The following MYOF variants were observed in gnomAD, a reference collection of about 807,000 sequenced individuals.
MYOF encodes the protein myoferlin.
In MYOF, 244 loss-of-function variants were observed where a neutral mutation model predicts 284.2. The observed-to-expected ratio is 0.86, with a 90% CI of 0.77 to 0.95. The LOEUF (loss-of-function observed/expected upper bound fraction) is 0.95. MYOF is among the 40% of genes least tolerant of loss of function. The pLI is 0.00. For synonymous variants in MYOF, 904 were observed against 919.7 expected (o/e 0.98, Z 0.31); for missense variants, 2,496 against 2,560.6 (o/e 0.97, Z 0.54).
rs770922268 is a variant in MYOF at position 93,404,237 on chromosome 10, C to T, written c.730-18G>A. The T allele has an allele frequency of 1.7e-5, 27 of 1,612,982 alleles. No homozygotes were observed. The Admixed American group carries it at 3.7e-4, about 22-fold the overall frequency. ...AAAAACAACTGCCAAAACAATAGAGCAGATGTTTAAATGTTAACAGGGGAT... is the reference window on the plus strand; with the variant it reads ...AAAAACAACTGCCAAAACAATAGAGTAGATGTTTAAATGTTAACAGGGGAT... On this transcript the variant is annotated intron_variant, in intron 7 of 53. Coordinates refer to ENST00000359263, the MANE Select transcript of MYOF (RefSeq NM_013451.4).
At chr10:93,342,391 A>G (rs1007900901) in intron 38 of MYOF, among the ~76,000 whole-genome samples, 2 of 152,172 alleles carry the variant, frequency 1.3e-5, no homozygotes, top group African/African-American at 4.8e-5. Flanking sequence ...GAACAAGTGG[A>G]CTCAGATTTT....
Position 93,310,090 on chromosome 10 carries a change from C to T in MYOF, c.6077G>A (p.Trp2026Ter), listed in dbSNP as rs750616016. 6.2e-7 allele frequency: 1 copy of T among 1,614,106 alleles called. No homozygotes were observed. Among genetic ancestry groups the T allele is most frequent in the Non-Finnish European group, 8.5e-7 (1 of 1,180,024 alleles). ...CAGGAACAGCAAGCCGATGATGACC[C>T]ACTTAAAGCGGCGCCACACGATGAA... ...MKFIVWRRFK[W>*]VIIGLLFLLI... Residue 2026 changes from tryptophan to a stop codon, truncating the protein, a stop_gained, in exon 53 of 54, where the codon TGG becomes TAG. Coordinates refer to ENST00000359263, the MANE Select transcript of MYOF (RefSeq NM_013451.4). LOFTEE classifies it high-confidence loss of function.
intron 5 of MYOF, among the ~76,000 whole-genome samples, chr10:93,411,761 C>T (rs912300894): frequency 6.6e-6 from 1 of 152,236 alleles, no homozygotes; most frequent in African/African-American, 2.4e-5. Flanking sequence ...CCATCCTAGC[C>T]TGGCTTCTGT....
intron 3 of MYOF, among the ~76,000 whole-genome samples, chr10:93,445,160 C>T (rs1011534084): frequency 6.6e-6 from 1 of 152,174 alleles, no homozygotes; most frequent in Non-Finnish European, 1.5e-5. Context: ...ATTCTACCTA[C>T]ATTTTGTTTA....
chr10:93,382,319 G>C (rs1846160912), intron 19 of MYOF, among the ~76,000 whole-genome samples: 1 of 151,820 alleles, frequency 6.6e-6, no homozygotes, highest in Non-Finnish European at 1.5e-5. Context: ...GCTTACTACA[G>C]CTTCGACTTC....
intron 4 of MYOF, among the ~76,000 whole-genome samples, chr10:93,431,024 C>CTTTTTTTTTTTTTTTTTTTTTTTT (rs113713765): frequency 2.5e-5 from 3 of 117,856 alleles, no homozygotes; most frequent in African/African-American, 3.1e-5. Flanking sequence ...TTTTTCTTTT[C>CTTTTTTTTTTTTTTTTTTTTTTTT]TTTTTTTTTT....
At chr10:93,375,737 C>T (rs987208860) in intron 22 of MYOF, among the ~76,000 whole-genome samples, 2 of 152,192 alleles carry the variant, frequency 1.3e-5, no homozygotes, top group Non-Finnish European at 2.9e-5. Context: ...TCACCATCAT[C>T]TCATCAGATT....
Position 93,351,273 on chromosome 10 carries a change from A to G in MYOF, c.3845T>C (p.Leu1282Pro), listed in dbSNP as rs775334443. 9.1e-5 allele frequency: 147 copies of G among 1,613,610 alleles called. No homozygotes were observed. In the Admixed American group the frequency reaches 2.4e-3, roughly 26 times the overall value. Reference protein sequence around the residue: ...RGKDGSNLPILPPQRAPNLYM... With the variant: ...RGKDGSNLPIPPPQRAPNLYM... ...TAGATTTGGCGCCCTTTGAGGGGGA[A>G]GAATGGGAAGGTTGGAGCCATCCTG... Residue 1282 changes from leucine to proline, a missense_variant, in exon 35 of 54, where the codon CTT (leucine) becomes CCT (proline). Leu to Pro is a moderately conservative substitution (Grantham distance 98, BLOSUM62 -3). Coordinates refer to ENST00000359263, the MANE Select transcript of MYOF (RefSeq NM_013451.4).
intron 3 of MYOF, among the ~76,000 whole-genome samples, chr10:93,437,480 G>C: frequency 6.6e-6 from 1 of 152,128 alleles, no homozygotes; most frequent in East Asian, 1.9e-4. Flanking sequence ...ATGATTTCTG[G>C]AGGAGGAGTA....
At position 93,459,261 on chromosome 10, in the gene MYOF, C is replaced by A. The variant is rs147432454; in HGVS notation, c.89-2324G>T. Among the ~76,000 whole-genome samples, 733 of 152,302 alleles carry A rather than the reference C, an allele frequency of 4.8e-3. 4 individuals are homozygous for A. The highest frequency in any genetic ancestry group is 0.017 in the African/African-American group (703 of 41,552). On this transcript the variant is annotated intron_variant, in intron 1 of 53. Transcript: ENST00000359263. ...TAACAGAAACTCCCAATCCTCCTCT[C>A]TGGTTACAGTATAAGAAAGTGCTCT...
intron 25 of MYOF, among the ~76,000 whole-genome samples, chr10:93,367,435 C>G (rs1166983570): frequency 6.6e-6 from 1 of 152,046 alleles, no homozygotes; most frequent in East Asian, 1.9e-4. Flanking sequence ...TGAGTGGGGG[C>G]CTGATTAGGA....
intron 3 of MYOF, among the ~76,000 whole-genome samples, chr10:93,438,525 T>C (rs1292884840): frequency 6.6e-6 from 1 of 152,158 alleles, no homozygotes; most frequent in Non-Finnish European, 1.5e-5. Context: ...CAGAATGTGC[T>C]TCCCCAGACG....
At chr10:93,454,987 TA>T (rs56013436) in intron 2 of MYOF, among the ~76,000 whole-genome samples, 49 of 58,664 alleles carry the variant, frequency 8.4e-4, no homozygotes, top group African/African-American at 3.5e-3. Flanking sequence ...TTTTTTTAAT[TA>T]AAAAAAAAAA....
chr10:93,342,848 A>G (rs1043034289), intron 38 of MYOF, among the ~76,000 whole-genome samples: 9 of 152,194 alleles, frequency 5.9e-5, no homozygotes, highest in African/African-American at 2.2e-4. Context: ...GGCTACTACT[A>G]TCTTATTAGG....
At chr10:93,411,725 T>G (rs1847908436) in intron 5 of MYOF, among the ~76,000 whole-genome samples, 1 of 152,150 alleles carries the variant, frequency 6.6e-6, no homozygotes, top group Admixed American at 6.5e-5. Flanking sequence ...GCCCTGCTCC[T>G]CATCATCCAT....
intron 25 of MYOF, among the ~76,000 whole-genome samples, chr10:93,369,323 A>T (rs1437660820): frequency 6.6e-6 from 1 of 151,964 alleles, no homozygotes; most frequent in African/African-American, 2.4e-5. Flanking sequence ...AGATTATTAC[A>T]GAGTTCTAGT....
intron 17 of MYOF, among the ~76,000 whole-genome samples, chr10:93,392,110 T>C (rs1015137906): frequency 3.9e-5 from 6 of 152,256 alleles, no homozygotes; most frequent in African/African-American, 1.4e-4. Flanking sequence ...CTACTTAATA[T>C]TCATATAAAG....
chr10:93,345,900 AC>A (rs1391708399), intron 37 of MYOF, among the ~76,000 whole-genome samples: 1 of 152,150 alleles, frequency 6.6e-6, no homozygotes, highest in African/African-American at 2.4e-5. Flanking sequence ...GACCCAGCCC[AC>A]CCCTGAGCAA....
intron 17 of MYOF, among the ~76,000 whole-genome samples, chr10:93,390,329 G>A (rs1846614149): frequency 1.3e-5 from 2 of 152,110 alleles, no homozygotes; most frequent in Admixed American, 1.3e-4. Flanking sequence ...ATGGACACAG[G>A]CAGAAAAGAG....
Sources: allele counts gnomAD v4.1 joint callset (sites outside exome capture counted in the v4.1 genomes callset), GRCh38; gene constraint gnomAD v4.1.1; transcripts MANE v1.5; gene names NCBI Gene and HGNC (gene_info 2026-07-23, HGNC 2026-07-21).